The following SH3RF1 variants were observed in gnomAD, a reference collection of about 807,000 sequenced individuals.
SH3RF1 encodes the protein E3 ubiquitin-protein ligase SH3RF1.
A neutral mutation model predicts 74.0 loss-of-function variants in SH3RF1; 32 were observed. That is an observed-to-expected ratio of 0.43 (90% confidence interval 0.33 to 0.58). The LOEUF (loss-of-function observed/expected upper bound fraction) is 0.58, where lower values mean the gene tolerates loss of function less well. Among genes scored for constraint, SH3RF1 ranks in the 20% least tolerant of loss-of-function variants. The pLI is 0.05. For missense variants in SH3RF1, 954 were observed against 1,130.9 expected (o/e 0.84, Z 2.24); for synonymous variants, 396 against 439.6 (o/e 0.90, Z 1.24).
chr4:169,097,594 C>T (rs964892741), intron 11 of SH3RF1, among the ~76,000 whole-genome samples: 1 of 152,110 alleles, frequency 6.6e-6, no homozygotes. Context: ...ACTCTATATC[C>T]TTTTATCTTT....
intron 2 of SH3RF1, among the ~76,000 whole-genome samples, chr4:169,163,960 T>A (rs543000953): frequency 6.6e-6 from 1 of 152,252 alleles, no homozygotes; most frequent in East Asian, 1.9e-4. Context: ...CTTGTGTGGG[T>A]CAATAGGACA....
intron 2 of SH3RF1, among the ~76,000 whole-genome samples, chr4:169,221,447 G>T (rs1381976880): frequency 6.6e-6 from 1 of 152,134 alleles, no homozygotes; most frequent in Non-Finnish European, 1.5e-5. Context: ...TACTCAACTT[G>T]CTGGGTCTGA....
chr4:169,238,389 A>G (rs934696589), intron 2 of SH3RF1, among the ~76,000 whole-genome samples: 2 of 152,220 alleles, frequency 1.3e-5, no homozygotes, highest in African/African-American at 4.8e-5. Context: ...CTTCAGGAAA[A>G]TGAATATTGA....
chr4:169,125,164 C>T (rs1436423966), intron 6 of SH3RF1, among the ~76,000 whole-genome samples: 2 of 152,152 alleles, frequency 1.3e-5, no homozygotes, highest in African/African-American at 4.8e-5. Context: ...AAAGAAGAGA[C>T]AGTGTTACAT....
chr4:169,144,670 A>C (rs1048709958), intron 4 of SH3RF1, among the ~76,000 whole-genome samples: 12 of 152,172 alleles, frequency 7.9e-5, no homozygotes, highest in Non-Finnish European at 2.9e-5. Flanking sequence ...ATAGAGACCA[A>C]CAGAGAATGG....
chr4:169,206,613 A>T (rs1213858727), intron 2 of SH3RF1, among the ~76,000 whole-genome samples: 2 of 152,244 alleles, frequency 1.3e-5, no homozygotes, highest in African/African-American at 4.8e-5. Flanking sequence ...TATTATGTGC[A>T]GTGTTCATCA....
intron 2 of SH3RF1, among the ~76,000 whole-genome samples, chr4:169,236,003 T>C (rs750191002): frequency 3.3e-5 from 5 of 152,214 alleles, no homozygotes; most frequent in Non-Finnish European, 5.9e-5. Context: ...TTCAGTGACA[T>C]TTCCTCTGCA....
intron 6 of SH3RF1, among the ~76,000 whole-genome samples, chr4:169,125,234 C>T (rs539088715): frequency 6.6e-6 from 1 of 152,142 alleles, no homozygotes; most frequent in Non-Finnish European, 1.5e-5. Context: ...CCTGGCTCAG[C>T]CTCTTGGGGC....
In SH3RF1 at chr4:169,251,379, T is replaced by C. The variant is rs1233201376; in HGVS notation, c.393+17441A>G. Among the ~76,000 whole-genome samples the C allele has an allele frequency of 2.6e-5, 4 of 152,204 alleles. No homozygotes were observed. The East Asian group carries it at 7.7e-4, about 29-fold the overall frequency. On this transcript the variant is annotated intron_variant, in intron 2 of 11. Coordinates refer to ENST00000284637, the MANE Select transcript of SH3RF1 (RefSeq NM_020870.4). ...GTTAGTCAGAATAACTGAAGAGTAT[T>C]GTTTCAGATAATCTCAGTCAAGCAG...
At chr4:169,182,463 A>G (rs1032523989) in intron 2 of SH3RF1, among the ~76,000 whole-genome samples, 1 of 152,226 alleles carries the variant, frequency 6.6e-6, no homozygotes, top group Non-Finnish European at 1.5e-5. Context: ...TGCCTAGAAA[A>G]TTTAAAACTT....
chr4:169,205,674 A>AT (rs1236221861), intron 2 of SH3RF1, among the ~76,000 whole-genome samples: 1 of 152,204 alleles, frequency 6.6e-6, no homozygotes, highest in African/African-American at 2.4e-5. Flanking sequence ...AGCCCAATGA[A>AT]TGACGTTAGC....
intron 2 of SH3RF1, among the ~76,000 whole-genome samples, chr4:169,166,018 A>G (rs1734236365): frequency 6.6e-6 from 1 of 152,172 alleles, no homozygotes; most frequent in Admixed American, 6.5e-5. Context: ...TTATAGGGGA[A>G]ACAAGAAATT....
chr4:169,128,427 C>T lies in SH3RF1; in HGVS notation c.1179+1619G>A, dbSNP rs72706437. Among the ~76,000 whole-genome samples the T allele has an allele frequency of 7.1e-3, 1,076 of 152,282 alleles. 6 individuals are homozygous for T. Among genetic ancestry groups the T allele is most frequent in the Non-Finnish European group, 0.012 (807 of 68,018 alleles). ...GTAACTGTTCAGGAAACATTAAAAA[C>T]GAAAATAAAACAAACAAACAAAAAA... is the stretch of plus-strand genomic sequence containing the variant. On this transcript the variant is annotated intron_variant, in intron 6 of 11. Coordinates refer to ENST00000284637, the MANE Select transcript of SH3RF1 (RefSeq NM_020870.4).
chr4:169,181,098 T>G (rs1734502959), intron 2 of SH3RF1, among the ~76,000 whole-genome samples: 1 of 152,096 alleles, frequency 6.6e-6, no homozygotes, highest in Admixed American at 6.6e-5. Context: ...TCGAATGTTC[T>G]TAGACATACT....
rs1329288107 is a variant in SH3RF1, at chr4:169,224,910, A to C, written c.393+43910T>G. The stretch of plus-strand genomic sequence containing the variant: ...GGGCCAGATTCCCTGGGGGCCTAGA[A>C]AGCCAGCCTAAGGGACATCGAGTCT... On this transcript the variant is annotated intron_variant, in intron 2 of 11. Coordinates refer to ENST00000284637, the MANE Select transcript of SH3RF1 (RefSeq NM_020870.4). 6.6e-5 allele frequency among the ~76,000 whole-genome samples: 10 copies of C among 152,338 alleles called. No homozygotes were observed. In the East Asian group the frequency reaches 1.9e-3, roughly 29 times the overall value.
In SH3RF1 at chr4:169,117,658, C is replaced by G. The variant is rs374119558; in HGVS notation, c.1642G>C (p.Val548Leu). Residue 548 changes from valine (V) to leucine (L), a missense_variant, in exon 9 of 12, where the codon GTG (valine) becomes CTG (leucine). This residue lies in a region of SH3RF1 where 854 missense variants were observed against 962.5 expected (regional missense o/e 0.89). Transcript: ENST00000284637. ...GGGACAACACTGGGACTCCCAGCCA[C>G]GCCATTTCCCTGGAGCTTCTGGGCA... The part of the protein sequence containing the change: ...GPAQKLQGNG[V>L]AGSPSVVPAA... 9 of 1,614,208 alleles carry G rather than the reference C, an allele frequency of 5.6e-6. No homozygotes were observed. The highest frequency in any genetic ancestry group is 7.6e-6 in the Non-Finnish European group (9 of 1,180,046).
chr4:169,158,859 A>G (rs1442739275), intron 2 of SH3RF1, among the ~76,000 whole-genome samples: 6 of 152,222 alleles, frequency 3.9e-5, no homozygotes, highest in Non-Finnish European at 7.3e-5. Context: ...ACTACCTATA[A>G]GCCAAATTTG....
chr4:169,125,109 T>C (rs781084779), intron 6 of SH3RF1, among the ~76,000 whole-genome samples: 94 of 152,316 alleles, frequency 6.2e-4, no homozygotes, highest in Non-Finnish European at 1.2e-3. Context: ...GAAATGGTCA[T>C]ATTTTGCCAT....
intron 11 of SH3RF1, among the ~76,000 whole-genome samples, chr4:169,099,079 G>C (rs1319948518): frequency 2.0e-5 from 3 of 152,158 alleles, no homozygotes; most frequent in Non-Finnish European, 4.4e-5. Context: ...ACACAGTTAG[G>C]GTTTTGGAAT....
Sources: gnomAD v4.1 joint callset for allele counts (sites outside exome capture counted in the v4.1 genomes callset) on GRCh38, gnomAD v4.1.1 for gene constraint, gnomAD v4.1.1 regional missense constraint, MANE v1.5 for transcripts, NCBI Gene and HGNC (gene_info 2026-07-23, HGNC 2026-07-21) for gene names.